The following EPS15L1 variants were observed in gnomAD, a reference collection of about 807,000 sequenced individuals.
EPS15L1 encodes epidermal growth factor receptor pathway substrate 15 like 1.
In EPS15L1, 43 loss-of-function variants were observed where a neutral mutation model predicts 117.1. The observed-to-expected ratio is 0.37, with a 90% CI of 0.29 to 0.47. The LOEUF is 0.47. Among genes scored for constraint, EPS15L1 ranks in the 20% least tolerant of loss-of-function variants. The pLI, the probability that EPS15L1 is intolerant of heterozygous loss-of-function variation, is 0.99. For synonymous variants in EPS15L1, 459 were observed against 470.5 expected (o/e 0.98, Z 0.32); for missense variants, 981 against 1,164.0 (o/e 0.84, Z 2.29).
chr19:16,404,501 T>G lies in EPS15L1; in HGVS notation c.1428+87A>C, dbSNP rs1319292279. 3.5e-6 allele frequency: 5 copies of G among 1,440,428 alleles called. No homozygotes were observed. Among genetic ancestry groups the G allele is most frequent in the Admixed American group, 1.8e-5 (1 of 54,428 alleles). The allele number at this position is 1,440,428 out of a possible 1,614,324, so 89.2% of individuals were successfully genotyped here. On this transcript the variant is annotated intron_variant, in intron 14 of 23. Transcript: ENST00000455140. This position sits in a 1 kb window ranked among gnomAD's most constrained non-coding sequence, Gnocchi z 4.2. ...GACCCAGTAGGATGTCTAAGTGTTG[T>G]GTTCCCAGGTAACACGAGCTCAGGG...
intron 1 of EPS15L1, among the ~76,000 whole-genome samples, chr19:16,461,964 T>C (rs1212289968): frequency 6.6e-6 from 1 of 152,166 alleles, no homozygotes; most frequent in African/African-American, 2.4e-5. Flanking sequence ...ATCACCAGCC[T>C]ACTATGTGCC....
chr19:16,467,361 G>A (rs947130179), intron 1 of EPS15L1, among the ~76,000 whole-genome samples: 1 of 151,898 alleles, frequency 6.6e-6, no homozygotes, highest in African/African-American at 2.4e-5. Context: ...TGTTGGCCAG[G>A]CTGGTCTCAA....
chr19:16,419,381 C>T (rs2092792719), intron 10 of EPS15L1, among the ~76,000 whole-genome samples: 1 of 152,148 alleles, frequency 6.6e-6, no homozygotes, highest in African/African-American at 2.4e-5. Flanking sequence ...ATCACTTGAA[C>T]CCAGGAGGCA....
At chr19:16,425,875 T>A (rs566241573) in intron 8 of EPS15L1, among the ~76,000 whole-genome samples, 1 of 152,278 alleles carries the variant, frequency 6.6e-6, no homozygotes, top group South Asian at 2.1e-4. Flanking sequence ...GCCACAGCCA[T>A]AGAAATAAAT....
At chr19:16,440,971 AAC>A (rs1211770311) in intron 3 of EPS15L1, 62 bp from the exon 4 acceptor site, 3 of 1,544,144 alleles carry the variant, frequency 1.9e-6, no homozygotes, top group Non-Finnish European at 2.7e-6. Context: ...TGTTAACAAA[AAC>A]CAGAGCCGCC....
chr19:16,422,794 T>C (rs1454112287), intron 9 of EPS15L1, among the ~76,000 whole-genome samples: 1 of 152,008 alleles, frequency 6.6e-6, no homozygotes, highest in Non-Finnish European at 1.5e-5. Flanking sequence ...CCCTCTCTAC[T>C]AAAAACACGA....
At chr19:16,399,664 G>GT (rs761977905) in intron 16 of EPS15L1, among the ~76,000 whole-genome samples, 8 of 149,650 alleles carry the variant, frequency 5.3e-5, no homozygotes, top group Non-Finnish European at 1.0e-4. Flanking sequence ...ACAAGTTCCT[G>GT]TTTTTTGCTT....
At chr19:16,382,803 G>A (rs879704980) in intron 21 of EPS15L1, among the ~76,000 whole-genome samples, 1 of 152,044 alleles carries the variant, frequency 6.6e-6, no homozygotes, top group Non-Finnish European at 1.5e-5. Flanking sequence ...AAGAGTGCAG[G>A]CCCGAAGAGC....
At chr19:16,392,839 A>G (rs1039167576) in intron 18 of EPS15L1, among the ~76,000 whole-genome samples, 4 of 152,120 alleles carry the variant, frequency 2.6e-5, no homozygotes, top group Non-Finnish European at 4.4e-5. Context: ...GGATCACTTG[A>G]GGCCAGGAGT....
Position 16,365,122 on chromosome 19 carries a change from C to G in EPS15L1, c.2381-3138G>C, listed in dbSNP as rs1477210672. On this transcript the variant is annotated intron_variant, in intron 22 of 23. Transcript: ENST00000455140. This position sits in a 1 kb window ranked among gnomAD's most constrained non-coding sequence, Gnocchi z 4.9. Reference sequence around the variant, plus strand: ...AGTGGCCTTCTCAGGGAAGAAATGGCAGCCCCTTCCCCATCATGCCTGTGT... The same window carrying G: ...AGTGGCCTTCTCAGGGAAGAAATGGGAGCCCCTTCCCCATCATGCCTGTGT... Among the ~76,000 whole-genome samples, 1 of 152,224 alleles carries G rather than the reference C, an allele frequency of 6.6e-6. No homozygotes were observed. The highest frequency in any genetic ancestry group is 1.5e-5 in the Non-Finnish European group (1 of 68,040).
intron 1 of EPS15L1, among the ~76,000 whole-genome samples, chr19:16,447,950 C>G (rs909385562): frequency 6.6e-6 from 1 of 152,122 alleles, no homozygotes; most frequent in Non-Finnish European, 1.5e-5. Flanking sequence ...CAGACACACA[C>G]AGATCTGCCC....
Position 16,471,462 on chromosome 19 carries a change from C to CT in EPS15L1, c.33+450dup, listed in dbSNP as rs934028947. Among the ~76,000 whole-genome samples the CT allele has an allele frequency of 6.6e-6, 1 of 152,214 alleles. No homozygotes were observed. Among genetic ancestry groups the CT allele is most frequent in the Admixed American group, 6.5e-5 (1 of 15,282 alleles). On this transcript the variant is annotated intron_variant, in intron 1 of 23. Transcript: ENST00000455140. The surrounding 1 kb of genome is among the most constrained non-coding windows in gnomAD (Gnocchi z 4.8). ...GCTTCCAAGGAGGCAGGGGATCAGTCTGAGATCGCACTGCTGCTGACGGGT... is the reference window on the plus strand; with the variant it reads ...GCTTCCAAGGAGGCAGGGGATCAGTCTTGAGATCGCACTGCTGCTGACGGGT...
At position 16,403,797 on chromosome 19, in the gene EPS15L1, G is replaced by A; in HGVS notation, c.1562C>T (p.Ala521Val). The A allele has an allele frequency of 6.2e-7, 1 of 1,614,058 alleles. No individual in the cohort carries two copies. The highest frequency in any genetic ancestry group is 8.5e-7 in the Non-Finnish European group (1 of 1,180,034). ...GATGGTTTCCAGCTGGACTCGCCCA[G>A]CCTGAATGCTCTGCTCCAGCTGGGT... Reference protein sequence around the residue: ...EETQLEQSIQAGRVQLETIIK... With the variant: ...EETQLEQSIQVGRVQLETIIK... Residue 521 changes from alanine to valine, a missense_variant, in exon 15 of 24, where the codon GCT (alanine) becomes GTT (valine). Around this residue, in one of 5 missense-constraint regions of EPS15L1, gnomAD observed 819 missense variants for 949.0 expected, o/e 0.86. Coordinates refer to ENST00000455140, the MANE Select transcript of EPS15L1 (RefSeq NM_001258374.3).
At chr19:16,435,997 C>T (rs2092974488) in intron 6 of EPS15L1, among the ~76,000 whole-genome samples, 1 of 152,146 alleles carries the variant, frequency 6.6e-6, no homozygotes, top group Non-Finnish European at 1.5e-5. Flanking sequence ...TTTCAAAGTC[C>T]ACACAATGCG....
chr19:16,471,862 C>A lies in EPS15L1; in HGVS notation c.33+51G>T. 1.7e-6 allele frequency: 2 copies of A among 1,152,550 alleles called. No individual in the cohort carries two copies. The highest frequency in any genetic ancestry group is 1.1e-6 in the Non-Finnish European group (1 of 889,168). 71.4% of individuals were successfully genotyped at this position (1,152,550 alleles called of 1,614,324 possible). On this transcript the variant is annotated intron_variant, in intron 1 of 23. Transcript: ENST00000455140. This position sits in a 1 kb window ranked among gnomAD's most constrained non-coding sequence, Gnocchi z 4.8. ...AGCGCCTCAGCCTCGCCGCACCGCTCGCCTCGCGCCCCGCACCCCGGCGCC... is the reference window on the plus strand; with the variant it reads ...AGCGCCTCAGCCTCGCCGCACCGCTAGCCTCGCGCCCCGCACCCCGGCGCC...
chr19:16,400,880 T>C (rs955727321), intron 16 of EPS15L1: 2 of 985,196 alleles, frequency 2.0e-6, no homozygotes, highest in African/African-American at 3.5e-5. Context: ...AAAACCGGTT[T>C]CTAAAAACCT....
chr19:16,357,078 C>G (rs1419024989), intron 23 of EPS15L1: 1 of 152,526 alleles, frequency 6.6e-6, no homozygotes, highest in Non-Finnish European at 1.5e-5. Flanking sequence ...ACCCAAGGAC[C>G]CAGGCTCTCG....
intron 22 of EPS15L1, among the ~76,000 whole-genome samples, chr19:16,367,405 A>T (rs2144656305): frequency 6.6e-6 from 1 of 151,758 alleles, no homozygotes; most frequent in African/African-American, 2.4e-5. Context: ...CAGCAGTTTC[A>T]ACAGTTACCC....
chr19:16,374,652 G>C (rs2092269794), intron 22 of EPS15L1, among the ~76,000 whole-genome samples: 1 of 152,212 alleles, frequency 6.6e-6, no homozygotes, highest in Non-Finnish European at 1.5e-5. Context: ...GGTACGTGGG[G>C]AGGCGGGGGT....
Sources: allele counts gnomAD v4.1 joint callset (sites outside exome capture counted in the v4.1 genomes callset), GRCh38; gene constraint gnomAD v4.1.1; regional missense constraint gnomAD v4.1.1; non-coding constraint Gnocchi (gnomAD v3.1); transcripts MANE v1.5; gene names NCBI Gene and HGNC (gene_info 2026-07-23, HGNC 2026-07-21).